The following B3GAT1 variants were observed in gnomAD, a reference collection of about 807,000 sequenced individuals.
The protein encoded by B3GAT1 is beta-1,3-glucuronyltransferase 1.
In B3GAT1, 11 loss-of-function variants were observed where a neutral mutation model predicts 28.4. The ratio of observed to expected loss-of-function variants is 0.39; its 90% CI spans 0.24 to 0.64. B3GAT1 has a LOEUF of 0.64. Among genes scored for constraint, B3GAT1 ranks in the 30% least tolerant of loss-of-function variants. The probability of loss-of-function intolerance (pLI) is 0.50; values close to 1 mark genes in which losing one functional copy is unlikely to be tolerated. For synonymous variants in B3GAT1, 255 were observed against 223.1 expected (o/e 1.14, Z -1.27); for missense variants, 375 against 491.0 (o/e 0.76, Z 2.23).
intron 1 of B3GAT1, among the ~76,000 whole-genome samples, chr11:134,395,078 T>C (rs971647761): frequency 2.0e-5 from 3 of 152,218 alleles, no homozygotes; most frequent in East Asian, 3.9e-4. Context: ...CCCTGAATCA[T>C]GTAGCTAGTG....
chr11:134,382,672 C>T (rs1944161688), intron 4 of B3GAT1, 38 bp downstream of exon 4: 2 of 1,590,808 alleles, frequency 1.3e-6, no homozygotes, highest in Non-Finnish European at 8.6e-7. Context: ...GTACTTGAGA[C>T]ATTGCATCAC....
intron 1 of B3GAT1, chr11:134,390,395 GT>G (rs1165393061): frequency 6.6e-6 from 1 of 152,324 alleles, no homozygotes; most frequent in African/African-American, 2.4e-5. Flanking sequence ...CTTCAGAAAT[GT>G]CCAGGAAGAT....
chr11:134,404,016 TATA>T lies in B3GAT1; in HGVS notation c.-282+7788_-282+7790del, dbSNP rs1565459388. On this transcript the variant is annotated intron_variant, in intron 1 of 5. Coordinates refer to ENST00000312527, the MANE Select transcript of B3GAT1 (RefSeq NM_054025.3). ...ATATATATATATATATATATATATA[TATA>T]TATATATATATTTATTATACGTTAA... 3.4e-4 allele frequency among the ~76,000 whole-genome samples: 42 copies of T among 125,312 alleles called. 1 individual carries two copies. Among genetic ancestry groups the T allele is most frequent in the African/African-American group, 1.3e-3 (41 of 31,914 alleles). 82.2% of individuals were successfully genotyped at this position (125,312 alleles called of 152,430 possible). A position where few individuals can be genotyped will look rare whatever the true frequency, so the allele number is the denominator to read the frequency against.
At chr11:134,395,477 C>T (rs1309810663) in intron 1 of B3GAT1, among the ~76,000 whole-genome samples, 1 of 152,006 alleles carries the variant, frequency 6.6e-6, no homozygotes, top group African/African-American at 2.4e-5. Context: ...TAACCATGAC[C>T]GGACGATGGT....
At chr11:134,387,251 C>T (rs1433704781) in intron 2 of B3GAT1, 1 of 358,582 alleles carries the variant, frequency 2.8e-6, no homozygotes, top group East Asian at 5.1e-5. Context: ...GACCTCAGCA[C>T]TTCCCCAGGG....
chr11:134,395,643 C>G (rs877457), intron 1 of B3GAT1, among the ~76,000 whole-genome samples: 3,652 of 152,102 alleles, frequency 0.024, 79 homozygotes, highest in African/African-American at 0.064. Context: ...ATTGAAAGGT[C>G]CTCGCTCCCC....
At chr11:134,395,885 G>A (rs1944495397) in intron 1 of B3GAT1, among the ~76,000 whole-genome samples, 1 of 152,200 alleles carries the variant, frequency 6.6e-6, no homozygotes, top group African/African-American at 2.4e-5. Flanking sequence ...GCGAAGTATT[G>A]GCAGGGCTGT....
intron 1 of B3GAT1, among the ~76,000 whole-genome samples, chr11:134,398,524 T>G (rs1944548861): frequency 6.6e-6 from 1 of 152,234 alleles, no homozygotes; most frequent in Admixed American, 6.5e-5. Context: ...ATTTAATGTT[T>G]AAACCCTTGT....
intron 1 of B3GAT1, among the ~76,000 whole-genome samples, chr11:134,395,181 T>C (rs554436144): frequency 4.9e-4 from 74 of 151,638 alleles, no homozygotes; most frequent in African/African-American, 1.7e-3. Flanking sequence ...ACGACATCAC[T>C]TGCTGCTGCT....
intron 4 of B3GAT1, 115 bp from the exon 5 acceptor site, chr11:134,382,139 G>A (rs974193243): frequency 7.5e-6 from 6 of 802,016 alleles, no homozygotes; most frequent in Non-Finnish European, 1.0e-5. Flanking sequence ...TTTCCTTCGA[G>A]AGTTTTTCAA....
chr11:134,401,308 A>G (rs1442402015), intron 1 of B3GAT1, among the ~76,000 whole-genome samples: 1 of 152,268 alleles, frequency 6.6e-6, no homozygotes, highest in Non-Finnish European at 1.5e-5. Context: ...TATTCATAAC[A>G]GGGAACTGAT....
At chr11:134,407,383 T>A (rs543866692) in intron 1 of B3GAT1, among the ~76,000 whole-genome samples, 1 of 152,218 alleles carries the variant, frequency 6.6e-6, no homozygotes, top group Non-Finnish European at 1.5e-5. Flanking sequence ...CCCCACGCCG[T>A]GCCGTCATGT....
At chr11:134,382,565 C>T in intron 4 of B3GAT1, 145 bp downstream of exon 4, 1 of 997,790 alleles carries the variant, frequency 1.0e-6, no homozygotes, top group Admixed American at 2.8e-5. Context: ...CGCTGCCTTA[C>T]AGGTGATACA....
chr11:134,394,969 T>G (rs1335349378), intron 1 of B3GAT1, among the ~76,000 whole-genome samples: 1 of 152,238 alleles, frequency 6.6e-6, no homozygotes, highest in Non-Finnish European at 1.5e-5. Flanking sequence ...AAACTGGGGT[T>G]TGGCTTAGTA....
chr11:134,385,969 C>T (rs1181556817), intron 2 of B3GAT1: 2 of 152,250 alleles, frequency 1.3e-5, no homozygotes, highest in African/African-American at 4.8e-5. Context: ...GCCAAGAACG[C>T]AATCGACACG....
intron 1 of B3GAT1, among the ~76,000 whole-genome samples, chr11:134,395,360 A>G (rs2360225): frequency 0.12 from 18,942 of 152,098 alleles, 1,261 homozygotes; most frequent in Non-Finnish European, 0.14. Flanking sequence ...AGCCAGGCCC[A>G]TGGAAGACCC....
rs1565459205 is a variant in B3GAT1 at position 134,403,982 on chromosome 11, T to TA, written c.-282+7824_-282+7825insT. 1.7e-3 allele frequency among the ~76,000 whole-genome samples: 104 copies of TA among 62,002 alleles called. 4 individuals are homozygous for TA. The highest frequency in any genetic ancestry group is 7.1e-3 in the African/African-American group (95 of 13,434). 40.7% of individuals were successfully genotyped at this position (62,002 alleles called of 152,430 possible). On this transcript the variant is annotated intron_variant, in intron 1 of 5. Coordinates refer to ENST00000312527, the MANE Select transcript of B3GAT1 (RefSeq NM_054025.3). ...ATTTAACGGGTACAGAGTTTCTTTC[T>TA]TTATATATATATATATATATATATA...
chr11:134,404,031 T>TATATATATA (rs1565459472), intron 1 of B3GAT1, among the ~76,000 whole-genome samples: 5 of 90,402 alleles, frequency 5.5e-5, no homozygotes, highest in African/African-American at 1.7e-4. Flanking sequence ...ATATATATAT[T>TATATATATA]TATTATACGT....
chr11:134,405,278 A>G (rs868565884), intron 1 of B3GAT1, among the ~76,000 whole-genome samples: 1 of 151,836 alleles, frequency 6.6e-6, no homozygotes, highest in Non-Finnish European at 1.5e-5. Flanking sequence ...CCCCAAGGGG[A>G]CCCCCCATCA....
Sources: allele counts gnomAD v4.1 joint callset (sites outside exome capture counted in the v4.1 genomes callset), GRCh38; gene constraint gnomAD v4.1.1; transcripts MANE v1.5; gene names NCBI Gene and HGNC (gene_info 2026-07-23, HGNC 2026-07-21).